POU6F2: variants seen among roughly 807,000 people sequenced by gnomAD.
The protein encoded by POU6F2 is POU class 6 homeobox 2.
POU6F2 carries 31 observed loss-of-function variants against 71.3 expected under a neutral mutation model. The observed-to-expected ratio is 0.43, with a 90% CI of 0.33 to 0.59. The LOEUF (loss-of-function observed/expected upper bound fraction) is 0.59. Among genes scored for constraint, POU6F2 ranks in the 20% least tolerant of loss-of-function variants. POU6F2 has a pLI of 0.04. For missense variants in POU6F2, 783 were observed against 856.8 expected (o/e 0.91, Z 1.07); for synonymous variants, 347 against 355.7 (o/e 0.98, Z 0.27).
At chr7:39,403,672 A>C (rs1325230302) in intron 5 of POU6F2, among the ~76,000 whole-genome samples, 1 of 152,212 alleles carries the variant, frequency 6.6e-6, no homozygotes, top group African/African-American at 2.4e-5. Context: ...ACATGATATG[A>C]CTGGGGACAA....
chr7:39,105,495 A>G (rs567389803), intron 2 of POU6F2, among the ~76,000 whole-genome samples: 33 of 150,614 alleles, frequency 2.2e-4, no homozygotes, highest in Middle Eastern at 3.5e-3. Context: ...GAATTCTTGT[A>G]GAAGTTGATG....
chr7:39,328,840 G>A (rs1017478422), intron 4 of POU6F2, among the ~76,000 whole-genome samples: 2 of 152,164 alleles, frequency 1.3e-5, no homozygotes, highest in Non-Finnish European at 2.9e-5. Context: ...GGACCAGATA[G>A]GGCATGGCCT....
intron 2 of POU6F2, among the ~76,000 whole-genome samples, chr7:39,148,535 A>AGTGATAATG (rs1162314617): frequency 6.6e-6 from 1 of 152,166 alleles, no homozygotes; most frequent in African/African-American, 2.4e-5. Flanking sequence ...TGATGATGAT[A>AGTGATAATG]GTGATAATGG....
At position 39,033,622 on chromosome 7, in the gene POU6F2, A is replaced by G. The variant is rs1789993988; in HGVS notation, c.106-52238A>G. On this transcript the variant is annotated intron_variant, in intron 1 of 9. Transcript: ENST00000518318. ...CCCCTTCATAGAGAATTACTGATCC[A>G]TTTTAGAAAATCAGATTTTCACACC... Among the ~76,000 whole-genome samples the G allele has an allele frequency of 2.0e-5, 3 of 152,170 alleles. No individual in the cohort carries two copies. The South Asian group carries it at 6.2e-4, about 31-fold the overall frequency.
At chr7:39,142,852 T>C (rs1792532422) in intron 2 of POU6F2, among the ~76,000 whole-genome samples, 1 of 152,220 alleles carries the variant, frequency 6.6e-6, no homozygotes, top group Non-Finnish European at 1.5e-5. Flanking sequence ...ACATGTCATA[T>C]GCTTTTGAAA....
chr7:39,275,225 A>G (rs1466861249), intron 4 of POU6F2, among the ~76,000 whole-genome samples: 3 of 152,234 alleles, frequency 2.0e-5, no homozygotes, highest in Admixed American at 2.0e-4. Flanking sequence ...AAATCAATGT[A>G]CAAAAATCAC....
At chr7:39,022,996 C>T (rs570684667) in intron 1 of POU6F2, among the ~76,000 whole-genome samples, 19 of 152,170 alleles carry the variant, frequency 1.2e-4, no homozygotes, top group African/African-American at 4.6e-4. Flanking sequence ...ATATCTTCAC[C>T]AGCACTTAGT....
intron 2 of POU6F2, among the ~76,000 whole-genome samples, chr7:39,172,401 T>C (rs1047172137): frequency 1.3e-5 from 2 of 152,146 alleles, no homozygotes; most frequent in Admixed American, 1.3e-4. Context: ...CTTGGTCACA[T>C]AGTGGCTTAT....
chr7:39,051,603 A>G (rs1007495671), intron 1 of POU6F2, among the ~76,000 whole-genome samples: 6 of 152,146 alleles, frequency 3.9e-5, no homozygotes, highest in African/African-American at 9.7e-5. Flanking sequence ...CAATGTTTGA[A>G]TAAGGCATTT....
chr7:39,240,682 T>C (rs1783709281), intron 4 of POU6F2, among the ~76,000 whole-genome samples: 1 of 152,160 alleles, frequency 6.6e-6, no homozygotes, highest in Non-Finnish European at 1.5e-5. Flanking sequence ...AAGTAGGTAC[T>C]AAAAAAGTAT....
At chr7:39,007,409 A>C (rs1035203419) in intron 1 of POU6F2, among the ~76,000 whole-genome samples, 1 of 152,210 alleles carries the variant, frequency 6.6e-6, no homozygotes, top group African/African-American at 2.4e-5. Flanking sequence ...ATTTCAGTGG[A>C]ATGTATTCTG....
chr7:39,292,878 G>T (rs1310626435), intron 4 of POU6F2, among the ~76,000 whole-genome samples: 2 of 152,134 alleles, frequency 1.3e-5, no homozygotes, highest in Admixed American at 6.5e-5. Flanking sequence ...TGCAGGGATG[G>T]CTGGGGTCTT....
At position 39,072,542 on chromosome 7, in the gene POU6F2, A is replaced by C. The variant is rs1790905193; in HGVS notation, c.106-13318A>C. On this transcript the variant is annotated intron_variant, in intron 1 of 9. Coordinates refer to ENST00000518318, the MANE Select transcript of POU6F2 (RefSeq NM_001370959.1). ...GAAGGTGTCTTACTGACTTGTTAAA[A>C]TGGGTCTGATTTTCCCCTTGACAAC... Among the ~76,000 whole-genome samples the C allele has an allele frequency of 2.0e-5, 3 of 152,228 alleles. No individual in the cohort carries two copies. In the South Asian group the frequency reaches 6.2e-4, roughly 31 times the overall value.
At chr7:39,099,954 A>G (rs557460178) in intron 2 of POU6F2, among the ~76,000 whole-genome samples, 117 of 152,280 alleles carry the variant, frequency 7.7e-4, no homozygotes, top group African/African-American at 2.7e-3. Flanking sequence ...GCCAAAACTC[A>G]AGCTAGATGT....
chr7:39,038,200 C>T (rs1431831865), intron 1 of POU6F2, among the ~76,000 whole-genome samples: 1 of 151,762 alleles, frequency 6.6e-6, no homozygotes, highest in Non-Finnish European at 1.5e-5. Flanking sequence ...TGACTCTGTC[C>T]CACCAAGATG....
chr7:39,086,569 C>A (rs1184203523), intron 2 of POU6F2, among the ~76,000 whole-genome samples: 1 of 152,074 alleles, frequency 6.6e-6, no homozygotes, highest in Admixed American at 6.6e-5. Context: ...AATATTTCTT[C>A]TTTTTTTAAA....
At chr7:39,207,729 T>G in intron 4 of POU6F2, 109 bp downstream of exon 4, 1 of 1,070,364 alleles carries the variant, frequency 9.3e-7, no homozygotes, top group Non-Finnish European at 1.3e-6. Context: ...TCAGAGTTGC[T>G]TCTGCCCTAA....
chr7:39,457,463 C>T (rs1022284275), intron 8 of POU6F2, among the ~76,000 whole-genome samples: 12 of 152,200 alleles, frequency 7.9e-5, no homozygotes, highest in African/African-American at 2.9e-4. Flanking sequence ...GATGCCTGCT[C>T]CGGAGCCCCT....
intron 4 of POU6F2, among the ~76,000 whole-genome samples, chr7:39,249,821 G>T (rs1194442487): frequency 6.6e-6 from 1 of 152,170 alleles, no homozygotes; most frequent in Non-Finnish European, 1.5e-5. Flanking sequence ...GTGTCAGTCA[G>T]AGAGTACTCA....
Sources: allele counts gnomAD v4.1 joint callset (sites outside exome capture counted in the v4.1 genomes callset), GRCh38; gene constraint gnomAD v4.1.1; transcripts MANE v1.5; gene names NCBI Gene and HGNC (gene_info 2026-07-23, HGNC 2026-07-21).